The following SEPSECS variants were observed in gnomAD, a reference collection of about 807,000 sequenced individuals.
The protein encoded by SEPSECS is O-phosphoseryl-tRNA(Sec) selenium transferase.
A neutral mutation model predicts 52.1 loss-of-function variants in SEPSECS; 42 were observed. The ratio of observed to expected loss-of-function variants is 0.81; its 90% confidence interval spans 0.63 to 1.04. The LOEUF is 1.04. SEPSECS is among the 50% of genes least tolerant of loss of function. The pLI is 0.00. For missense variants in SEPSECS, 590 were observed against 610.6 expected (o/e 0.97, Z 0.36); for synonymous variants, 216 against 211.4 (o/e 1.02, Z -0.19).
upstream of SEPSECS, chr4:25,160,488 CA>C: frequency 2.9e-6 from 2 of 682,514 alleles, no homozygotes; most frequent in South Asian, 3.9e-5. Context: ...GGACAAAAAA[CA>C]AAACAAAACA....
intron 8 of SEPSECS, among the ~76,000 whole-genome samples, chr4:25,135,494 C>G (rs1383001038): frequency 6.6e-6 from 1 of 151,798 alleles, no homozygotes; most frequent in Admixed American, 6.6e-5. Context: ...GTATATACAC[C>G]CTCCCAAGAC....
intron 1 of SEPSECS, chr4:25,160,044 C>T (rs1353704804): frequency 1.0e-6 from 1 of 985,330 alleles, no homozygotes; most frequent in Non-Finnish European, 1.2e-6. Flanking sequence ...CCAACACCCC[C>T]TCCTAACAAC....
At chr4:25,158,682 G>A (rs369190483) in intron 2 of SEPSECS, among the ~76,000 whole-genome samples, 10 of 152,084 alleles carry the variant, frequency 6.6e-5, no homozygotes, top group African/African-American at 2.2e-4. Context: ...TAGGGTAACC[G>A]TTCCTAAGAA....
chr4:25,140,225 A>G lies in SEPSECS; in HGVS notation c.1026+4549T>C, dbSNP rs1413850342. Among the ~76,000 whole-genome samples, 3 of 152,258 alleles carry G rather than the reference A, an allele frequency of 2.0e-5. No homozygotes were observed. In the East Asian group the frequency reaches 5.8e-4, roughly 29 times the overall value. ...GGACACTGTAATTGATAGACTCAGC[A>G]GGACCACCTGGAGTCAGGGAGGAGC... On this transcript the variant is annotated intron_variant, in intron 8 of 10. Coordinates refer to ENST00000382103, the MANE Select transcript of SEPSECS (RefSeq NM_016955.4).
At chr4:25,130,379 T>C (rs2109491877) in intron 8 of SEPSECS, among the ~76,000 whole-genome samples, 1 of 152,350 alleles carries the variant, frequency 6.6e-6, no homozygotes, top group South Asian at 2.1e-4. Flanking sequence ...AAAAGTGAAT[T>C]TGCCCAATGT....
chr4:25,154,943 A>T, intron 5 of SEPSECS, 55 bp downstream of exon 5: 1 of 1,540,588 alleles, frequency 6.5e-7, no homozygotes. Flanking sequence ...GAATTAGTAT[A>T]TTTTATTTAA....
intron 8 of SEPSECS, among the ~76,000 whole-genome samples, chr4:25,137,194 C>G (rs1445739404): frequency 6.6e-6 from 1 of 152,106 alleles, no homozygotes; most frequent in Non-Finnish European, 1.5e-5. Flanking sequence ...GCAATTGCAA[C>G]AAAAGCAAAC....
At chr4:25,155,555 A>C (rs980499884) in intron 4 of SEPSECS, among the ~76,000 whole-genome samples, 1 of 152,222 alleles carries the variant, frequency 6.6e-6, no homozygotes, top group African/African-American at 2.4e-5. Flanking sequence ...TTTATTTTAA[A>C]GTTCATTTTA....
intron 5 of SEPSECS, among the ~76,000 whole-genome samples, chr4:25,154,696 A>G (rs1190249346): frequency 6.6e-6 from 1 of 152,178 alleles, no homozygotes; most frequent in Non-Finnish European, 1.5e-5. Context: ...CTATTAAATA[A>G]TAAGAAAAAA....
At chr4:25,134,243 C>G (rs1477997151) in intron 8 of SEPSECS, among the ~76,000 whole-genome samples, 1 of 149,658 alleles carries the variant, frequency 6.7e-6, no homozygotes, top group African/African-American at 2.5e-5. Context: ...ACTTGGGAGG[C>G]TGAGGTGGGA....
intron 5 of SEPSECS, 72 bp downstream of exon 5, chr4:25,154,926 T>C (rs534177283): frequency 2.1e-6 from 3 of 1,420,748 alleles, no homozygotes; most frequent in East Asian, 2.4e-5. Flanking sequence ...TATTTAAGCA[T>C]ATTTGAGAAT....
intron 7 of SEPSECS, 35 bp from the exon 8 acceptor site, chr4:25,144,900 G>T (rs1426846603): frequency 5.7e-6 from 9 of 1,589,840 alleles, no homozygotes; most frequent in Non-Finnish European, 7.8e-6. Context: ...TTAAGACTGT[G>T]GTGGGGGGGT....
intron 8 of SEPSECS, among the ~76,000 whole-genome samples, chr4:25,139,905 A>G (rs1577612805): frequency 6.6e-6 from 1 of 152,198 alleles, no homozygotes; most frequent in East Asian, 1.9e-4. Flanking sequence ...TAAAACAGAG[A>G]TGGGAATTTA....
chr4:25,130,559 T>G (rs1054245305), intron 8 of SEPSECS, among the ~76,000 whole-genome samples: 2 of 152,176 alleles, frequency 1.3e-5, no homozygotes, highest in African/African-American at 4.8e-5. Context: ...GTAATTAGAT[T>G]TAAAAAAATT....
chr4:25,152,442 G>A (rs191939555), intron 5 of SEPSECS, among the ~76,000 whole-genome samples: 38 of 151,960 alleles, frequency 2.5e-4, no homozygotes, highest in African/African-American at 7.2e-4. Context: ...CCATACTGAA[G>A]CTAGTATCTG....
chr4:25,155,985 C>A, intron 4 of SEPSECS, 52 bp downstream of exon 4: 1 of 1,502,750 alleles, frequency 6.7e-7, no homozygotes, highest in South Asian at 1.2e-5. Context: ...TATAAGAAAT[C>A]TGAATTTCAT....
In SEPSECS at chr4:25,156,118, G is replaced by T. The variant is rs1712612053; in HGVS notation, c.466C>A (p.Arg156=). The change falls in exon 4 of 11, where the codon CGA becomes AGA. Residue 156 remains arginine, a synonymous_variant. Transcript: ENST00000382103. ...MSLTLCFLTL[R]HKRPKAKYII... ...TACTTTGCCTTTGGTCTTTTGTGTC[G>T]TAATGTTAAGAAACACAGAGTTAGA... is the stretch of plus-strand genomic sequence containing the variant. 1 of 1,613,498 alleles carries T rather than the reference G, an allele frequency of 6.2e-7. No individual in the cohort carries two copies. Among genetic ancestry groups the T allele is most frequent in the African/African-American group, 1.3e-5 (1 of 74,850 alleles).
intron 2 of SEPSECS, among the ~76,000 whole-genome samples, chr4:25,157,702 G>A (rs1361344275): frequency 6.6e-6 from 1 of 151,836 alleles, no homozygotes; most frequent in Non-Finnish European, 1.5e-5. Flanking sequence ...CCGCCACCAC[G>A]CCCGGCTAAT....
upstream of SEPSECS, chr4:25,160,508 C>CAA (rs536637971): frequency 1.7e-3 from 1,169 of 668,236 alleles, 8 homozygotes; most frequent in African/African-American, 0.019. Context: ...CAAAACAAAA[C>CAA]AAAAAAAACA....
Sources: gnomAD v4.1 joint callset for allele counts (sites outside exome capture counted in the v4.1 genomes callset) on GRCh38, gnomAD v4.1.1 for gene constraint, MANE v1.5 for transcripts, NCBI Gene and HGNC (gene_info 2026-07-23, HGNC 2026-07-21) for gene names.